The following PHC3 variants were observed in gnomAD, a reference collection of about 807,000 sequenced individuals.
PHC3 encodes polyhomeotic-like protein 3.
PHC3 carries 13 observed loss-of-function variants against 107.4 expected under a neutral mutation model. The ratio of observed to expected loss-of-function variants is 0.12; its 90% CI spans 0.08 to 0.19. The LOEUF (loss-of-function observed/expected upper bound fraction) is 0.19. Among genes scored for constraint, PHC3 ranks in the 10% least tolerant of loss-of-function variants. The pLI, the probability that PHC3 is intolerant of heterozygous loss-of-function variation, is 1.00. For synonymous variants in PHC3, 456 were observed against 427.4 expected (o/e 1.07, Z -0.83); for missense variants, 992 against 1,210.9 (o/e 0.82, Z 2.68).
intron 6 of PHC3, among the ~76,000 whole-genome samples, chr3:170,138,815 A>G (rs1250602506): frequency 6.6e-6 from 1 of 152,050 alleles, no homozygotes; most frequent in Non-Finnish European, 1.5e-5. Flanking sequence ...CTAGTCCTCC[A>G]GCCTACAGTT....
At chr3:170,115,250 T>C (rs1488643711) in intron 10 of PHC3, among the ~76,000 whole-genome samples, 2 of 152,092 alleles carry the variant, frequency 1.3e-5, no homozygotes, top group Non-Finnish European at 2.9e-5. Flanking sequence ...TAAAGTGAAA[T>C]ATTATGTAAC....
At chr3:170,146,535 C>CTTTTTTTT (rs373420736) in intron 5 of PHC3, among the ~76,000 whole-genome samples, 1 of 123,510 alleles carries the variant, frequency 8.1e-6, no homozygotes, top group Non-Finnish European at 1.7e-5. Flanking sequence ...TTTTCTTTTT[C>CTTTTTTTT]TTTTTTTTTT....
chr3:170,122,415 G>A (rs1020076949), intron 9 of PHC3, among the ~76,000 whole-genome samples, 176 bp downstream of exon 9: 1 of 152,096 alleles, frequency 6.6e-6, no homozygotes, highest in Non-Finnish European at 1.5e-5. Context: ...ACCAGCCTAA[G>A]CAACATAGTA....
rs932925845 is a variant in PHC3, at chr3:170,089,864, C to G, written c.*7366G>C. 6.9e-6 allele frequency: 1 copy of G among 144,406 alleles called. No homozygotes were observed. Among genetic ancestry groups the G allele is most frequent in the African/African-American group, 2.6e-5 (1 of 38,398 alleles). 8.9% of individuals were successfully genotyped at this position (144,406 alleles called of 1,614,324 possible). On this transcript the variant is annotated 3_prime_UTR_variant, in exon 15 of 15. Transcript: ENST00000495893. ...CCCGGGAGGTGGAGGTTGCAGTGAG[C>G]TGAGATCGCACCACTGCACACCAGC... is the stretch of plus-strand genomic sequence containing the variant.
chr3:170,113,316 A>T, intron 11 of PHC3, 44 bp downstream of exon 11: 1 of 1,545,340 alleles, frequency 6.5e-7, no homozygotes, highest in Non-Finnish European at 8.7e-7. Context: ...AAGCAGTAAA[A>T]GTCAAAGTTA....
chr3:170,156,416 A>G (rs541277413), intron 4 of PHC3, among the ~76,000 whole-genome samples: 7 of 148,968 alleles, frequency 4.7e-5, no homozygotes, highest in African/African-American at 1.7e-4. Context: ...ACTACCATGC[A>G]TGGCTAATTT....
intron 14 of PHC3, among the ~76,000 whole-genome samples, chr3:170,101,676 T>C (rs1464058267): frequency 6.6e-6 from 1 of 152,184 alleles, no homozygotes; most frequent in Non-Finnish European, 1.5e-5. Context: ...CATATATGTA[T>C]AGTCTTAACA....
At chr3:170,134,241 G>A (rs928251637) in intron 7 of PHC3, among the ~76,000 whole-genome samples, 10 of 152,128 alleles carry the variant, frequency 6.6e-5, no homozygotes, top group South Asian at 4.1e-4. Context: ...CCAGGCTGGA[G>A]TGCAATGGGG....
At position 170,172,605 on chromosome 3, in the gene PHC3, C is replaced by T; in HGVS notation, c.288G>A (p.Gln96=). ...GCTGGGAGCTGCTTAAATGCTGCTG[C>T]TGAAGAGCTGCAGTATGCAGCATCA... The part of the protein sequence containing the change: ...QHLMLHTAAL[Q]QQHLSSSQLQ... The change falls in exon 3 of 15, where the codon CAG becomes CAA. Residue 96 remains glutamine, a synonymous_variant. Coordinates refer to ENST00000495893, the MANE Select transcript of PHC3 (RefSeq NM_024947.4). 1 of 1,613,600 alleles carries T rather than the reference C, an allele frequency of 6.2e-7. No homozygotes were observed. Among genetic ancestry groups the T allele is most frequent in the Non-Finnish European group, 8.5e-7 (1 of 1,179,804 alleles).
At chr3:170,124,464 C>T (rs1720945989) in intron 8 of PHC3, among the ~76,000 whole-genome samples, 1 of 152,150 alleles carries the variant, frequency 6.6e-6, no homozygotes, top group Non-Finnish European at 1.5e-5. Context: ...CTCACTCAGC[C>T]TTGACCTCCA....
rs1162326337 is a variant in PHC3 at position 170,091,206 on chromosome 3, T to A, written c.*6024A>T. 2 of 152,218 alleles carry A rather than the reference T, an allele frequency of 1.3e-5. No individual in the cohort carries two copies. Among genetic ancestry groups the A allele is most frequent in the African/African-American group, 2.4e-5 (1 of 41,454 alleles). 9.4% of individuals were successfully genotyped at this position (152,218 alleles called of 1,614,324 possible). On this transcript the variant is annotated 3_prime_UTR_variant, in exon 15 of 15. Coordinates refer to ENST00000495893, the MANE Select transcript of PHC3 (RefSeq NM_024947.4). ...TCCTTAAGATGATTACTGGAGTAAA[T>A]TTAAACAGGTGCTCTAAAAGAACTT...
Position 170,087,959 on chromosome 3 carries a change from T to C in PHC3, c.*9271A>G, listed in dbSNP as rs1196995272. On this transcript the variant is annotated 3_prime_UTR_variant, in exon 15 of 15. Transcript: ENST00000495893. Reference sequence around the variant, plus strand: ...AAAAAATACACCAAATGGACACTTTTTACATAGATCAAATGTGCTCTTACA... The same window carrying C: ...AAAAAATACACCAAATGGACACTTTCTACATAGATCAAATGTGCTCTTACA... 6.6e-6 allele frequency: 1 copy of C among 152,174 alleles called. No homozygotes were observed. The highest frequency in any genetic ancestry group is 3.2e-3 in the Middle Eastern group (1 of 316). The allele number at this position is 152,174 out of a possible 1,614,324, so 9.4% of individuals were successfully genotyped here.
chr3:170,150,765 C>T (rs1380624970), intron 4 of PHC3: 1 of 395,988 alleles, frequency 2.5e-6, no homozygotes, highest in African/African-American at 2.2e-5. Flanking sequence ...CATTGTTAAC[C>T]TCTAGAAGGA....
intron 4 of PHC3, chr3:170,170,838 G>A (rs2108747375): frequency 6.6e-6 from 1 of 152,378 alleles, no homozygotes; most frequent in South Asian, 2.1e-4. Flanking sequence ...TGGGAAACTT[G>A]GCACAATTTC....
At chr3:170,115,428 A>G (rs1280029071) in intron 10 of PHC3, among the ~76,000 whole-genome samples, 1 of 152,112 alleles carries the variant, frequency 6.6e-6, no homozygotes, top group African/African-American at 2.4e-5. Flanking sequence ...ATATGTACAT[A>G]TATACAATAC....
chr3:170,129,174 T>C lies in PHC3; in HGVS notation c.1298A>G (p.Gln433Arg). 6.2e-7 allele frequency: 1 copy of C among 1,613,966 alleles called. No homozygotes were observed. Among genetic ancestry groups the C allele is most frequent in the Non-Finnish European group, 8.5e-7 (1 of 1,179,864 alleles). ...AGCTGATGACACAAGAGGGTGTGGC[T>C]GAATAAGTGCTTGTGGATGAATAAT... ...TIIIHPQALI[Q>R]PHPLVSSALQ... Residue 433 changes from glutamine (Q) to arginine (R), a missense_variant, in exon 8 of 15, where the codon CAG (glutamine) becomes CGG (arginine). Gln to Arg is a conservative substitution (Grantham distance 43, BLOSUM62 1). Coordinates refer to ENST00000495893, the MANE Select transcript of PHC3 (RefSeq NM_024947.4).
At chr3:170,099,057 A>G (rs1009222154) in intron 14 of PHC3, among the ~76,000 whole-genome samples, 2 of 152,176 alleles carry the variant, frequency 1.3e-5, no homozygotes, top group South Asian at 2.1e-4. Flanking sequence ...AGGAAAGAAA[A>G]GAAGAGAGAG....
At chr3:170,105,307 ATTGAT>A (rs1233289746) in intron 12 of PHC3, among the ~76,000 whole-genome samples, 3 of 152,244 alleles carry the variant, frequency 2.0e-5, no homozygotes, top group Non-Finnish European at 4.4e-5. Context: ...TAATTTGATT[ATTGAT>A]TTATCAGTAA....
At position 170,136,566 on chromosome 3, in the gene PHC3, A is replaced by C. The variant is rs778210053; in HGVS notation, c.772T>G (p.Cys258Gly). ...STSQTQSLTI[C>G]HNKTTVTSSK... ...CTGGTCACTGTTGTTTTGTTATGACAAATTGTCAATGACTGAGTTTGACTA... is the reference window on the plus strand; with the variant it reads ...CTGGTCACTGTTGTTTTGTTATGACCAATTGTCAATGACTGAGTTTGACTA... The change falls in exon 7 of 15, where the codon TGT becomes GGT. Residue 258 changes from cysteine (C) to glycine (G), a missense_variant. Around this residue, in one of 6 missense-constraint regions of PHC3, gnomAD observed 543 missense variants for 590.8 expected, o/e 0.92. Coordinates refer to ENST00000495893, the MANE Select transcript of PHC3 (RefSeq NM_024947.4). The C allele has an allele frequency of 6.2e-7, 1 of 1,613,638 alleles. No homozygotes were observed. Among genetic ancestry groups the C allele is most frequent in the Non-Finnish European group, 8.5e-7 (1 of 1,179,792 alleles).
Sources: allele counts gnomAD v4.1 joint callset (sites outside exome capture counted in the v4.1 genomes callset), GRCh38; gene constraint gnomAD v4.1.1; regional missense constraint gnomAD v4.1.1; transcripts MANE v1.5; gene names NCBI Gene and HGNC (gene_info 2026-07-23, HGNC 2026-07-21).